Variants in DNAAF10 observed in about 807,000 individuals in gnomAD.
DNAAF10 encodes dynein axonemal assembly factor 10, also known as WD repeat domain 92.
Under a neutral mutation model 43.7 loss-of-function variants are expected in DNAAF10, and 28 were observed. The observed-to-expected ratio is 0.64, with a 90% CI of 0.48 to 0.88. The LOEUF is 0.88. DNAAF10 is among the 40% of genes least tolerant of loss of function. DNAAF10 has a pLI of 0.00. For missense variants in DNAAF10, 403 were observed against 439.1 expected, an observed-to-expected ratio of 0.92 and a Z score of 0.73; for synonymous variants, 156 against 157.3, an observed-to-expected ratio of 0.99 and a Z score of 0.06.
intron 3 of DNAAF10, among the ~76,000 whole-genome samples, chr2:68,143,383 A>T (rs1673238039): frequency 6.6e-6 from 1 of 152,068 alleles, no homozygotes. Flanking sequence ...GGGTTTCGCT[A>T]TGTTGCCCAG....
At chr2:68,153,485 G>A (rs1040938881) in intron 1 of DNAAF10, among the ~76,000 whole-genome samples, 4 of 151,722 alleles carry the variant, frequency 2.6e-5, no homozygotes, top group South Asian at 4.1e-4. Flanking sequence ...TCAGCTCTGA[G>A]ACTCATTAAA....
intron 1 of DNAAF10, among the ~76,000 whole-genome samples, chr2:68,154,440 G>T (rs1210273869): frequency 6.6e-6 from 1 of 151,720 alleles, no homozygotes; most frequent in Non-Finnish European, 1.5e-5. Flanking sequence ...TAGAGACGGG[G>T]TTTCACCGTG....
chr2:68,149,748 C>T (rs17035037), intron 1 of DNAAF10, among the ~76,000 whole-genome samples: 6,206 of 152,256 alleles, frequency 0.041, 362 homozygotes, highest in African/African-American at 0.13. Flanking sequence ...CCAACCTATG[C>T]CAACTGGTGA....
chr2:68,136,735 C>T (rs1051774572), intron 6 of DNAAF10, among the ~76,000 whole-genome samples: 7 of 152,106 alleles, frequency 4.6e-5, no homozygotes, highest in South Asian at 2.1e-4. Context: ...AGTATTTTCC[C>T]TTTGCCCTGC....
At chr2:68,134,642 T>C (rs1672995370) in intron 7 of DNAAF10, 60 bp downstream of exon 7, 2 of 1,578,324 alleles carry the variant, frequency 1.3e-6, no homozygotes, top group Non-Finnish European at 1.7e-6. Flanking sequence ...AAGTTCAATC[T>C]AATCCTACTT....
chr2:68,153,745 G>GTTTTTTTTTTTTTTTTTTTTTTTTT (rs35521976), intron 1 of DNAAF10, among the ~76,000 whole-genome samples: 1 of 78,418 alleles, frequency 1.3e-5, no homozygotes, highest in Non-Finnish European at 2.3e-5. Context: ...ACACAATGAA[G>GTTTTTTTTTTTTTTTTTTTTTTTTT]TTTTTTTTTT....
At chr2:68,151,548 CCAT>C (rs1441625213) in intron 1 of DNAAF10, among the ~76,000 whole-genome samples, 2 of 152,168 alleles carry the variant, frequency 1.3e-5, no homozygotes, top group Non-Finnish European at 2.9e-5. Context: ...AATGTGAGCA[CCAT>C]GAGAGCAGGG....
In DNAAF10 at chr2:68,157,399, C is replaced by G. The variant is rs776711924; in HGVS notation, c.45G>C (p.Lys15Asn). The G allele has an allele frequency of 1.7e-5, 27 of 1,614,080 alleles. No homozygotes were observed. Among genetic ancestry groups the G allele is most frequent in the Non-Finnish European group, 2.1e-5 (25 of 1,180,044 alleles). ...EKPQIIAHIQ[K>N]GFNYTVFDCK... is the part of the protein sequence containing the mutation. Reference sequence around the variant, plus strand: ...AGTCAAACACCGTGTAGTTGAAGCCCTTCTGGATATGGGCGATGATCTGAG... The same window carrying G: ...AGTCAAACACCGTGTAGTTGAAGCCGTTCTGGATATGGGCGATGATCTGAG... Residue 15 changes from lysine to asparagine, a missense_variant, in exon 1 of 8, where the codon AAG (lysine) becomes AAC (asparagine). Coordinates refer to ENST00000295121, the MANE Select transcript of DNAAF10 (RefSeq NM_138458.4).
intron 1 of DNAAF10, among the ~76,000 whole-genome samples, chr2:68,153,800 G>GGA (rs558175363): frequency 3.8e-4 from 54 of 140,796 alleles, no homozygotes; most frequent in African/African-American, 1.4e-3. Context: ...TCTTCAGGCT[G>GGA]GAGTGCAATG....
intron 7 of DNAAF10, chr2:68,134,332 G>A (rs17523803): frequency 0.047 from 49,278 of 1,042,406 alleles, 1,258 homozygotes; most frequent in Admixed American, 0.071. Flanking sequence ...GGCTCTGTTG[G>A]GGTCTATCAC....
intron 1 of DNAAF10, among the ~76,000 whole-genome samples, chr2:68,149,603 T>C (rs1234803481): frequency 3.3e-5 from 5 of 152,248 alleles, no homozygotes; most frequent in African/African-American, 1.2e-4. Flanking sequence ...ACATGGTTTC[T>C]AACTGCAGGC....
rs187002912 is a variant in DNAAF10, at chr2:68,149,249, T to C, written c.184-1682A>G. Among the ~76,000 whole-genome samples, 574 of 152,358 alleles carry C rather than the reference T, an allele frequency of 3.8e-3. 3 individuals are homozygous for C. The highest frequency in any genetic ancestry group is 0.013 in the African/African-American group (555 of 41,582). ...ATTCAAAGGTTACCATTATATGGTA[T>C]AGGGCTTTGGAAACTCCCAGACTGT... On this transcript the variant is annotated intron_variant, in intron 1 of 7. Coordinates refer to ENST00000295121, the MANE Select transcript of DNAAF10 (RefSeq NM_138458.4).
At chr2:68,141,982 T>C (rs537643525) in intron 3 of DNAAF10, among the ~76,000 whole-genome samples, 187 bp from the exon 4 acceptor site, 1 of 152,350 alleles carries the variant, frequency 6.6e-6, no homozygotes, top group East Asian at 1.9e-4. Context: ...ATCACCCATA[T>C]GTAACTATCT....
chr2:68,131,218 T>G lies in DNAAF10; in HGVS notation c.*20A>C. 6 of 1,613,474 alleles carry G rather than the reference T, an allele frequency of 3.7e-6. No homozygotes were observed. In the South Asian group the frequency reaches 6.6e-5, roughly 18 times the overall value. On this transcript the variant is annotated 3_prime_UTR_variant, in exon 8 of 8. Transcript: ENST00000295121. ...CAGGAGTGAGCCACCGTGCCCAGCC[T>G]CAAGTCCAAAGTCTTGAAGTCAAAT...
intron 1 of DNAAF10, among the ~76,000 whole-genome samples, chr2:68,153,127 AAG>A (rs1673495557): frequency 1.3e-5 from 2 of 152,264 alleles, no homozygotes; most frequent in Admixed American, 6.5e-5. Context: ...ATGAAGGAAA[AAG>A]AGCTTTTAGC....
At chr2:68,141,630 T>A (rs1673181491) in intron 4 of DNAAF10, 64 bp downstream of exon 4, 1 of 1,471,992 alleles carries the variant, frequency 6.8e-7, no homozygotes, top group African/African-American at 1.4e-5. Flanking sequence ...ACTGTGAAAT[T>A]TCTTGCAGCA....
In DNAAF10 at chr2:68,149,800, C is replaced by G. The variant is rs549327568; in HGVS notation, c.184-2233G>C. On this transcript the variant is annotated intron_variant, in intron 1 of 7. Coordinates refer to ENST00000295121, the MANE Select transcript of DNAAF10 (RefSeq NM_138458.4). ...TTCCTCCCCTTGGTCTCACACTGAA[C>G]CTGGGTCTTGCCAGCTCTAAGCCAC... Among the ~76,000 whole-genome samples the G allele has an allele frequency of 3.9e-5, 6 of 152,292 alleles. No homozygotes were observed. In the East Asian group the frequency reaches 1.2e-3, roughly 29 times the overall value.
chr2:68,151,254 C>T (rs1427911807), intron 1 of DNAAF10, among the ~76,000 whole-genome samples: 2 of 152,134 alleles, frequency 1.3e-5, no homozygotes, highest in African/African-American at 4.8e-5. Flanking sequence ...TAATTCCAGC[C>T]ACACCAGACA....
intron 3 of DNAAF10, among the ~76,000 whole-genome samples, chr2:68,143,117 C>A (rs536456459): frequency 2.8e-4 from 42 of 152,058 alleles, no homozygotes; most frequent in African/African-American, 9.9e-4. Flanking sequence ...CCCACCTCAG[C>A]CTCCCAAGTG....
Sources: allele counts gnomAD v4.1 joint callset (sites outside exome capture counted in the v4.1 genomes callset), GRCh38; gene constraint gnomAD v4.1.1; transcripts MANE v1.5; gene names NCBI Gene and HGNC (gene_info 2026-07-23, HGNC 2026-07-21).